The following ARL14EP variants were observed in gnomAD, a reference collection of about 807,000 sequenced individuals.
ARL14EP encodes ARL14 effector protein.
Under a neutral mutation model 23.1 loss-of-function variants are expected in ARL14EP, and 12 were observed. The observed-to-expected ratio is 0.52, with a 90% confidence interval of 0.33 to 0.84. The LOEUF (loss-of-function observed/expected upper bound fraction) is 0.84, where lower values mean the gene tolerates loss of function less well. Ranked by LOEUF, ARL14EP falls within the 40% of genes least tolerant of loss-of-function variation. ARL14EP has a pLI of 0.02. For synonymous variants in ARL14EP, 97 were observed against 102.0 expected (o/e 0.95, Z 0.29); for missense variants, 253 against 307.3 (o/e 0.82, Z 1.32).
intron 1 of ARL14EP, chr11:30,328,450 TTA>T (rs1418256546): frequency 6.6e-6 from 1 of 152,158 alleles, no homozygotes; most frequent in African/African-American, 2.4e-5. Flanking sequence ...ACTTTTCTAA[TTA>T]TTACTGTGAT....
At chr11:30,333,492 G>T (rs1298734257) in intron 3 of ARL14EP, among the ~76,000 whole-genome samples, 7 of 152,024 alleles carry the variant, frequency 4.6e-5, no homozygotes, top group African/African-American at 1.4e-4. Flanking sequence ...TATCTGTTAT[G>T]ATGATCTTTG....
intron 1 of ARL14EP, among the ~76,000 whole-genome samples, chr11:30,326,343 T>C (rs1196245942): frequency 1.3e-5 from 2 of 152,200 alleles, no homozygotes; most frequent in Non-Finnish European, 2.9e-5. Flanking sequence ...ATGCCAGTGC[T>C]GATTCAGGGA....
At chr11:30,325,917 G>A (rs1172058141) in intron 1 of ARL14EP, among the ~76,000 whole-genome samples, 4 of 152,176 alleles carry the variant, frequency 2.6e-5, no homozygotes, top group African/African-American at 9.7e-5. Flanking sequence ...ACAGTTGACA[G>A]TTGTAAAATA....
At chr11:30,325,451 A>T (rs1947229444) in intron 1 of ARL14EP, among the ~76,000 whole-genome samples, 1 of 152,138 alleles carries the variant, frequency 6.6e-6, no homozygotes, top group African/African-American at 2.4e-5. Context: ...AATTATAGCT[A>T]ATAAGGAGCC....
chr11:30,335,762 ATAT>A (rs754728887), intron 3 of ARL14EP, among the ~76,000 whole-genome samples: 1 of 111,478 alleles, frequency 9.0e-6, no homozygotes, highest in Non-Finnish European at 1.9e-5. Context: ...AAGCAAAAAA[ATAT>A]ATATATATAT....
intron 1 of ARL14EP, among the ~76,000 whole-genome samples, chr11:30,324,792 T>C (rs1177593634): frequency 6.6e-6 from 1 of 152,228 alleles, no homozygotes; most frequent in Non-Finnish European, 1.5e-5. Context: ...CAAATACTTT[T>C]GTTTACTGCC....
Position 30,336,633 on chromosome 11 carries a change from C to G in ARL14EP, c.621C>G (p.Asp207Glu). The G allele has an allele frequency of 1.2e-6, 2 of 1,614,034 alleles. No homozygotes were observed. Among genetic ancestry groups the G allele is most frequent in the Non-Finnish European group, 1.7e-6 (2 of 1,179,998 alleles). Residue 207 changes from aspartate to glutamate, a missense_variant, in exon 4 of 4, where the codon GAC (aspartate) becomes GAG (glutamate). Coordinates refer to ENST00000282032, the MANE Select transcript of ARL14EP (RefSeq NM_152316.3). Reference sequence around the variant, plus strand: ...GTCTCCTGATTTTTAGTGGGATGGACCTCTGTGACTGCCTGGATGAAGACT... The same window carrying G: ...GTCTCCTGATTTTTAGTGGGATGGAGCTCTGTGACTGCCTGGATGAAGACT... ...SQGLLIFSGM[D>E]LCDCLDEDCL...
chr11:30,324,848 A>G (rs1414768173), intron 1 of ARL14EP, among the ~76,000 whole-genome samples: 1 of 152,192 alleles, frequency 6.6e-6, no homozygotes, highest in Non-Finnish European at 1.5e-5. Context: ...CATTTATTTC[A>G]TTCTCTTTTG....
chr11:30,336,489 T>C (rs1182342740), intron 3 of ARL14EP, 78 bp from the exon 4 acceptor site: 1 of 1,268,938 alleles, frequency 7.9e-7, no homozygotes, highest in South Asian at 1.4e-5. Context: ...TTATCTCCTT[T>C]TTTTTTTTTA....
intron 1 of ARL14EP, among the ~76,000 whole-genome samples, 172 bp downstream of exon 1, chr11:30,323,374 C>A (rs1000306076): frequency 2.6e-5 from 4 of 152,182 alleles, no homozygotes; most frequent in Non-Finnish European, 5.9e-5. Flanking sequence ...ACCCCTACCC[C>A]CGCGTAGTTC....
chr11:30,330,201 A>C (rs1212930857), intron 1 of ARL14EP: 1 of 152,250 alleles, frequency 6.6e-6, no homozygotes, highest in Non-Finnish European at 1.5e-5. Flanking sequence ...ATACTATACC[A>C]ATACCATAGT....
chr11:30,330,947 G>T lies in ARL14EP; in HGVS notation c.-2G>T, dbSNP rs781424349. On this transcript the variant is annotated 5_prime_UTR_variant, in exon 2 of 4. Transcript: ENST00000282032. Reference sequence around the variant, plus strand: ...AAAACGGAAAATTTGCTAGAATCAAGAATGATGGATCCATGTTCAGTTGGA... The same window carrying T: ...AAAACGGAAAATTTGCTAGAATCAATAATGATGGATCCATGTTCAGTTGGA... The T allele has an allele frequency of 6.2e-7, 1 of 1,613,392 alleles. No individual in the cohort carries two copies. The highest frequency in any genetic ancestry group is 8.5e-7 in the Non-Finnish European group (1 of 1,179,652).
chr11:30,331,912 C>A, intron 2 of ARL14EP: 1 of 633,844 alleles, frequency 1.6e-6, no homozygotes, highest in Non-Finnish European at 2.0e-6. Context: ...TTCTGAATTC[C>A]TACTTGATAT....
chr11:30,331,542 A>C lies in ARL14EP; in HGVS notation c.426+168A>C, dbSNP rs1479557550. 10 of 1,451,606 alleles carry C rather than the reference A, an allele frequency of 6.9e-6. No homozygotes were observed. In the East Asian group the frequency reaches 2.2e-4, roughly 33 times the overall value. 89.9% of individuals were successfully genotyped at this position (1,451,606 alleles called of 1,614,324 possible). A position where few individuals can be genotyped will look rare whatever the true frequency, so the allele number is the denominator to read the frequency against. ...TCTAAATATTATTCACATATACTGA[A>C]GGTCAAGATTGGGGGATAAAGAAAG... On this transcript the variant is annotated intron_variant, in intron 2 of 3. Coordinates refer to ENST00000282032, the MANE Select transcript of ARL14EP (RefSeq NM_152316.3).
intron 3 of ARL14EP, among the ~76,000 whole-genome samples, chr11:30,334,732 C>A (rs1947318639): frequency 6.6e-6 from 1 of 152,172 alleles, no homozygotes; most frequent in Non-Finnish European, 1.5e-5. Flanking sequence ...TGGGACAAAG[C>A]CTGAATGGCA....
At chr11:30,332,086 C>T (rs951687970) in intron 2 of ARL14EP, among the ~76,000 whole-genome samples, 13 of 151,954 alleles carry the variant, frequency 8.6e-5, no homozygotes, top group African/African-American at 3.1e-4. Context: ...TTGTGTAGGA[C>T]AAGTATATCA....
At chr11:30,325,878 C>A (rs1449422580) in intron 1 of ARL14EP, among the ~76,000 whole-genome samples, 1 of 152,146 alleles carries the variant, frequency 6.6e-6, no homozygotes, top group Non-Finnish European at 1.5e-5. Context: ...AGAATACAGA[C>A]AATTATTTTG....
chr11:30,330,990 A>G lies in ARL14EP; in HGVS notation c.42A>G (p.Thr14=), dbSNP rs1331969191. 4 of 1,613,922 alleles carry G rather than the reference A, an allele frequency of 2.5e-6. No individual in the cohort carries two copies. The highest frequency in any genetic ancestry group is 3.4e-6 in the Non-Finnish European group (4 of 1,179,812). Residue 14 remains threonine, a synonymous_variant, in exon 2 of 4, where the codon ACA becomes ACG. Coordinates refer to ENST00000282032, the MANE Select transcript of ARL14EP (RefSeq NM_152316.3). ...CAGTTGGAGTCCAGCTTCGTACTAC[A>G]AATGAGTGCCATAAAACCTACTATA... The part of the protein sequence containing the change: ...PCSVGVQLRT[T]NECHKTYYTR...
chr11:30,337,892 G>A lies in ARL14EP; in HGVS notation c.*1097G>A, dbSNP rs1947346460. The A allele has an allele frequency of 6.6e-6, 1 of 152,128 alleles. No homozygotes were observed. Among genetic ancestry groups the A allele is most frequent in the African/African-American group, 2.4e-5 (1 of 41,426 alleles). 9.4% of individuals were successfully genotyped at this position (152,128 alleles called of 1,614,324 possible). A position where few individuals can be genotyped will look rare whatever the true frequency, so the allele number is the denominator to read the frequency against. ...TATTTCTAATGTTTTAAATTACAGT[G>A]TACTAAATATTTTTAAACATTTTTG... On this transcript the variant is annotated 3_prime_UTR_variant, in exon 4 of 4. Coordinates refer to ENST00000282032, the MANE Select transcript of ARL14EP (RefSeq NM_152316.3).
Sources: gnomAD v4.1 joint callset for allele counts (sites outside exome capture counted in the v4.1 genomes callset) on GRCh38, gnomAD v4.1.1 for gene constraint, MANE v1.5 for transcripts, NCBI Gene and HGNC (gene_info 2026-07-23, HGNC 2026-07-21) for gene names.